The following ENTPD1 variants were observed in gnomAD, a reference collection of about 807,000 sequenced individuals.
The protein encoded by ENTPD1 is ATP diphosphohydrolase.
Under a neutral mutation model 57.0 loss-of-function variants are expected in ENTPD1, and 33 were observed. The ratio of observed to expected loss-of-function variants is 0.58; its 90% CI spans 0.44 to 0.77. The LOEUF (loss-of-function observed/expected upper bound fraction) is 0.77. ENTPD1 is among the 30% of genes least tolerant of loss of function. ENTPD1 has a pLI of 0.00. For missense variants in ENTPD1, 501 were observed against 603.4 expected, an observed-to-expected ratio of 0.83 and a Z score of 1.78; for synonymous variants, 202 against 218.8, an observed-to-expected ratio of 0.92 and a Z score of 0.68.
At chr10:95,859,144 T>C (rs1192135105) in intron 7 of ENTPD1, among the ~76,000 whole-genome samples, 1 of 152,184 alleles carries the variant, frequency 6.6e-6, no homozygotes, top group Non-Finnish European at 1.5e-5. Context: ...TAGATATATA[T>C]GTATAAGAAT....
intron 1 of ENTPD1, among the ~76,000 whole-genome samples, chr10:95,780,460 G>T (rs1441404050): frequency 6.6e-6 from 1 of 152,132 alleles, no homozygotes; most frequent in Admixed American, 6.5e-5. Context: ...TGACCTCAAG[G>T]TCTATTAAAG....
At chr10:95,705,277 A>G in the ENTPD1 span, among the ~76,000 whole-genome samples, 1 of 150,064 alleles carries the variant, frequency 6.7e-6, no homozygotes, top group Non-Finnish European at 1.5e-5. Context: ...CCAGTAGAAA[A>G]TGTGTGTGTG....
chr10:95,775,647 T>C (rs149477069), intron 1 of ENTPD1, among the ~76,000 whole-genome samples: 1 of 152,332 alleles, frequency 6.6e-6, no homozygotes, highest in African/African-American at 2.4e-5. Context: ...TGTAGATGTC[T>C]ATTAGGTTTG....
intron 1 of ENTPD1, among the ~76,000 whole-genome samples, chr10:95,738,995 TA>T (rs35449786): frequency 0.17 from 25,371 of 152,206 alleles, 2,537 homozygotes; most frequent in African/African-American, 0.27. Flanking sequence ...CCAGGGCATA[TA>T]AAAATTATGT....
chr10:95,851,610 T>C (rs1367430544), intron 7 of ENTPD1, among the ~76,000 whole-genome samples: 1 of 125,708 alleles, frequency 8.0e-6, no homozygotes, highest in East Asian at 2.7e-4. Context: ...CCCCGGTGTG[T>C]GATGTTCCCC....
At chr10:95,795,894 A>G (rs1291650911) in intron 1 of ENTPD1, among the ~76,000 whole-genome samples, 1 of 152,186 alleles carries the variant, frequency 6.6e-6, no homozygotes, top group East Asian at 1.9e-4. Context: ...TGAGTCTACT[A>G]TTCTTGGAAA....
At chr10:95,738,863 G>C (rs1217804600) in intron 1 of ENTPD1, among the ~76,000 whole-genome samples, 1 of 152,108 alleles carries the variant, frequency 6.6e-6, no homozygotes, top group African/African-American at 2.4e-5. Context: ...AAAAGAATTT[G>C]CACTCAGACT....
chr10:95,729,630 C>A (rs1417355470), intron 1 of ENTPD1, among the ~76,000 whole-genome samples: 1 of 152,172 alleles, frequency 6.6e-6, no homozygotes, highest in Non-Finnish European at 1.5e-5. Flanking sequence ...ATAGAGTCAG[C>A]AAAAAGAATG....
chr10:95,850,500 C>T (rs985630310), intron 7 of ENTPD1, among the ~76,000 whole-genome samples: 2 of 152,102 alleles, frequency 1.3e-5, no homozygotes, highest in African/African-American at 4.8e-5. Context: ...TGTCCAACAA[C>T]CAACTCTCGG....
At chr10:95,856,491 G>T (rs1404259371) in intron 7 of ENTPD1, among the ~76,000 whole-genome samples, 1 of 151,940 alleles carries the variant, frequency 6.6e-6, no homozygotes, top group East Asian at 1.9e-4. Context: ...TCCCACTACT[G>T]GATATCTACC....
chr10:95,842,932 A>C (rs963003155), intron 4 of ENTPD1, among the ~76,000 whole-genome samples: 7 of 152,256 alleles, frequency 4.6e-5, no homozygotes, highest in Non-Finnish European at 1.0e-4. Context: ...TTGTTCATTC[A>C]TTCAGCATAT....
At chr10:95,713,152 C>G (rs999678828) in intron 1 of ENTPD1, among the ~76,000 whole-genome samples, 6 of 152,012 alleles carry the variant, frequency 3.9e-5, no homozygotes, top group South Asian at 2.1e-4. Flanking sequence ...TCAAGGAACA[C>G]CTCTTGTTTA....
At chr10:95,856,643 TATGTATGC>T (rs910984131) in intron 7 of ENTPD1, among the ~76,000 whole-genome samples, 12 of 121,066 alleles carry the variant, frequency 9.9e-5, no homozygotes, top group Non-Finnish European at 1.7e-4. Context: ...TAAATATATA[TATGTATGC>T]ATATATATAT....
intron 2 of ENTPD1, among the ~76,000 whole-genome samples, chr10:95,835,642 G>T (rs1052038361): frequency 2.6e-5 from 4 of 152,182 alleles, no homozygotes; most frequent in African/African-American, 9.7e-5. Flanking sequence ...ACTGGTATAA[G>T]ATGGTATCTC....
At position 95,731,781 on chromosome 10, in the gene ENTPD1, C is replaced by CTTTTTTTTTTTTTTTTTTTTTTTTTTTT. The variant is rs34841311; in HGVS notation, c.37+19809_37+19810insTTTTTTTTTTTTTTTTTTTTTTTTTTTT. On this transcript the variant is annotated intron_variant, in intron 1 of 9. Coordinates refer to the ENTPD1 transcript ENST00000453258. ...GGTAAGAATTAGAGGAGTGGACATC[C>CTTTTTTTTTTTTTTTTTTTTTTTTTTTT]TTTTTTTTTTTTTTTTTTTTTGACA... Among the ~76,000 whole-genome samples, 7 of 79,178 alleles carry CTTTTTTTTTTTTTTTTTTTTTTTTTTTT rather than the reference C, an allele frequency of 8.8e-5. 1 individual carries two copies. The highest frequency in any genetic ancestry group is 1.1e-4 in the African/African-American group (2 of 18,638). The allele number at this position is 79,178 out of a possible 152,430, so 51.9% of individuals were successfully genotyped here. A position where few individuals can be genotyped will look rare whatever the true frequency, so the allele number is the denominator to read the frequency against.
At chr10:95,737,373 G>GA (rs1049510412) in intron 1 of ENTPD1, among the ~76,000 whole-genome samples, 3 of 149,460 alleles carry the variant, frequency 2.0e-5, no homozygotes, top group African/African-American at 2.5e-5. Context: ...ATTGACAGTA[G>GA]AAAAAAAAAT....
At chr10:95,782,172 GTGCTT>G (rs1318737728) in intron 1 of ENTPD1, among the ~76,000 whole-genome samples, 8 of 152,220 alleles carry the variant, frequency 5.3e-5, no homozygotes, top group African/African-American at 1.9e-4. Context: ...TCTGTGTTAA[GTGCTT>G]GACTTTCACC....
chr10:95,695,451 A>G, the ENTPD1 span, among the ~76,000 whole-genome samples: 1 of 152,212 alleles, frequency 6.6e-6, no homozygotes, highest in Non-Finnish European at 1.5e-5. Context: ...CTCCCTTTAC[A>G]AGTGAATCAT....
intron 1 of ENTPD1, among the ~76,000 whole-genome samples, chr10:95,789,104 T>C (rs1260116814): frequency 6.6e-6 from 1 of 152,206 alleles, no homozygotes; most frequent in Non-Finnish European, 1.5e-5. Context: ...ACCTCTGAAC[T>C]TCTATTTTGC....
Sources: allele counts gnomAD v4.1 joint callset (sites outside exome capture counted in the v4.1 genomes callset), GRCh38; gene constraint gnomAD v4.1.1; transcripts MANE v1.5; gene names NCBI Gene and HGNC (gene_info 2026-07-23, HGNC 2026-07-21).